The following ANK2 variants were observed in gnomAD, a reference collection of about 807,000 sequenced individuals.
The protein encoded by ANK2 is ankyrin 2.
ANK2 carries 83 observed loss-of-function variants against 360.5 expected under a neutral mutation model. The observed-to-expected ratio is 0.23, with a 90% CI of 0.19 to 0.28. The LOEUF is 0.28. Among genes scored for constraint, ANK2 ranks in the 10% least tolerant of loss-of-function variants. The probability of loss-of-function intolerance (pLI) is 1.00; values close to 1 mark genes in which losing one functional copy is unlikely to be tolerated. For missense variants in ANK2, 4,201 were observed against 4,795.7 expected (o/e 0.88, Z 3.66); for synonymous variants, 1,740 against 1,759.5 (o/e 0.99, Z 0.28).
chr4:113,353,140 T>C lies in ANK2; in HGVS notation c.4522T>C (p.Ser1508Pro). 1 of 1,614,088 alleles carries C rather than the reference T, an allele frequency of 6.2e-7. No homozygotes were observed. Among genetic ancestry groups the C allele is most frequent in the Non-Finnish European group, 8.5e-7 (1 of 1,179,962 alleles). ...AAGTCCGGACTTGCTCTCTGAAGTT[T>C]CTGAGATGAAACAAGATTTGATCAA... The part of the protein sequence containing the change: ...LASPDLLSEV[S>P]EMKQDLIKMT... The change falls in exon 38 of 46, where the codon TCT (serine) becomes CCT (proline). Residue 1508 changes from serine to proline, a missense_variant. This residue lies in a region of ANK2 where 1,268 missense variants were observed against 1,650.8 expected (regional missense o/e 0.77). Coordinates refer to ENST00000357077, the MANE Select transcript of ANK2 (RefSeq NM_001148.6).
At chr4:113,254,544 A>C (rs184039911) in intron 10 of ANK2, among the ~76,000 whole-genome samples, 39 of 152,320 alleles carry the variant, frequency 2.6e-4, no homozygotes, top group African/African-American at 9.1e-4. Context: ...TCTTCCCCTC[A>C]ATGCATAAAT....
At chr4:113,169,242 A>G (rs1467061377) in intron 1 of ANK2, among the ~76,000 whole-genome samples, 1 of 152,172 alleles carries the variant, frequency 6.6e-6, no homozygotes, top group East Asian at 1.9e-4. Context: ...TGATAAGGAA[A>G]TTGAGACATA....
intron 2 of ANK2, among the ~76,000 whole-genome samples, chr4:112,945,188 T>C (rs1023542642): frequency 6.6e-6 from 1 of 152,198 alleles, no homozygotes; most frequent in African/African-American, 2.4e-5. Flanking sequence ...GCAGTAGGAA[T>C]AAACATGACA....
At chr4:112,966,472 T>C (rs2037308768) in intron 2 of ANK2, among the ~76,000 whole-genome samples, 1 of 152,040 alleles carries the variant, frequency 6.6e-6, no homozygotes. Flanking sequence ...TGTGTGTGTA[T>C]ACACATACTT....
chr4:112,885,310 C>A (rs2077967393), intron 1 of ANK2, among the ~76,000 whole-genome samples: 1 of 150,586 alleles, frequency 6.6e-6, no homozygotes, highest in African/African-American at 2.5e-5. Flanking sequence ...ACCAGCCTGG[C>A]CAACATGTTG....
At chr4:113,199,811 A>G (rs1473988713) in intron 4 of ANK2, among the ~76,000 whole-genome samples, 3 of 152,130 alleles carry the variant, frequency 2.0e-5, no homozygotes, top group Non-Finnish European at 2.9e-5. Context: ...TGCCTTTCTG[A>G]TAACACAGAC....
At position 113,058,946 on chromosome 4, in the gene ANK2, GAAGATC is replaced by G. The variant is rs1407441025; in HGVS notation, c.84+9138_84+9143del. ...TCACAGTTCTGGAGGCTAGGAAATT[GAAGATC>G]AAGCCATCAGCTGATTTGGTGTCTG... On this transcript the variant is annotated intron_variant, in intron 1 of 45. Transcript: ENST00000357077. Among the ~76,000 whole-genome samples the G allele has an allele frequency of 2.6e-5, 4 of 152,134 alleles. No homozygotes were observed. In the South Asian group the frequency reaches 8.3e-4, roughly 32 times the overall value.
chr4:113,260,712 T>C (rs2052367976), intron 13 of ANK2, among the ~76,000 whole-genome samples: 1 of 152,246 alleles, frequency 6.6e-6, no homozygotes, highest in South Asian at 2.1e-4. Flanking sequence ...CCTGTACTTT[T>C]AATTGCTAAA....
chr4:113,161,699 T>C (rs2097540711), intron 1 of ANK2, among the ~76,000 whole-genome samples: 1 of 92,216 alleles, frequency 1.1e-5, no homozygotes, highest in African/African-American at 3.9e-5. Flanking sequence ...TAGTCTCGTG[T>C]GTGTGTGTGT....
chr4:113,013,955 AAG>A, intron 2 of ANK2, among the ~76,000 whole-genome samples: 1 of 152,268 alleles, frequency 6.6e-6, no homozygotes, highest in African/African-American at 2.4e-5. Flanking sequence ...TGAGGGAAAA[AAG>A]GTTGTGCAAC....
At chr4:113,349,675 A>G (rs547261801) in intron 36 of ANK2, among the ~76,000 whole-genome samples, 1 of 152,282 alleles carries the variant, frequency 6.6e-6, no homozygotes. Flanking sequence ...TAAAAATGAT[A>G]GGGAAGCCAA....
At chr4:112,918,101 G>A (rs1356029672) in intron 2 of ANK2, among the ~76,000 whole-genome samples, 1 of 152,082 alleles carries the variant, frequency 6.6e-6, no homozygotes, top group African/African-American at 2.4e-5. Context: ...CTTTACTTAT[G>A]CTTTTAGTCA....
intron 2 of ANK2, among the ~76,000 whole-genome samples, chr4:112,995,382 T>A (rs1211870339): frequency 6.6e-6 from 1 of 152,220 alleles, no homozygotes; most frequent in Non-Finnish European, 1.5e-5. Context: ...TACATGTTTG[T>A]TGGTTGCTTG....
At chr4:112,820,212 A>C (rs867223505) in intron 1 of ANK2, among the ~76,000 whole-genome samples, 1 of 152,212 alleles carries the variant, frequency 6.6e-6, no homozygotes, top group Non-Finnish European at 1.5e-5. Flanking sequence ...TTATCATCAC[A>C]TTAGGCTAGC....
chr4:112,811,165 C>T, the ANK2 span, among the ~76,000 whole-genome samples: 1 of 151,312 alleles, frequency 6.6e-6, no homozygotes, highest in African/African-American at 2.4e-5. Context: ...TCTAGATTTC[C>T]TGACCTCGTA....
chr4:113,088,337 A>G (rs531101593), intron 1 of ANK2, among the ~76,000 whole-genome samples: 2 of 152,240 alleles, frequency 1.3e-5, no homozygotes, highest in South Asian at 2.1e-4. Flanking sequence ...TTCATTTGGG[A>G]ATGGGCAAGG....
the ANK2 span, among the ~76,000 whole-genome samples, chr4:112,758,873 C>T: frequency 7.2e-5 from 11 of 152,142 alleles, no homozygotes; most frequent in South Asian, 1.7e-3. Flanking sequence ...TGTGCAGTGG[C>T]CACTTTGGGG....
intron 1 of ANK2, among the ~76,000 whole-genome samples, chr4:112,824,702 C>G (rs2058031210): frequency 6.6e-6 from 1 of 151,902 alleles, no homozygotes; most frequent in South Asian, 2.1e-4. Context: ...TGGGGTTTCA[C>G]CATGCTGGCC....
chr4:112,940,912 T>C (rs1369561338), intron 2 of ANK2, among the ~76,000 whole-genome samples: 1 of 152,108 alleles, frequency 6.6e-6, no homozygotes, highest in African/African-American at 2.4e-5. Flanking sequence ...CAGCCGCTAA[T>C]GCTCACATTT....
Sources: gnomAD v4.1 joint callset for allele counts (sites outside exome capture counted in the v4.1 genomes callset) on GRCh38, gnomAD v4.1.1 for gene constraint, gnomAD v4.1.1 regional missense constraint, MANE v1.5 for transcripts, NCBI Gene and HGNC (gene_info 2026-07-23, HGNC 2026-07-21) for gene names.